ELL: variants seen among roughly 807,000 people sequenced by gnomAD.
ELL encodes RNA polymerase II elongation factor ELL.
Under a neutral mutation model 64.0 loss-of-function variants are expected in ELL, and 18 were observed. The ratio of observed to expected loss-of-function variants is 0.28; its 90% CI spans 0.19 to 0.42. The LOEUF (loss-of-function observed/expected upper bound fraction) is 0.42, where lower values mean the gene tolerates loss of function less well. Among genes scored for constraint, ELL ranks in the 10% least tolerant of loss-of-function variants. ELL has a pLI of 1.00. For missense variants in ELL, 797 were observed against 870.4 expected, an observed-to-expected ratio of 0.92 and a Z score of 1.06; for synonymous variants, 399 against 376.2, an observed-to-expected ratio of 1.06 and a Z score of -0.70.
At chr19:18,469,887 G>A (rs542363281) in intron 2 of ELL, among the ~76,000 whole-genome samples, 15 of 152,332 alleles carry the variant, frequency 9.8e-5, no homozygotes, top group Non-Finnish European at 1.5e-4. Flanking sequence ...GAGCTTGGGC[G>A]ATGCTGGCTG....
intron 1 of ELL, among the ~76,000 whole-genome samples, chr19:18,520,310 G>A (rs1156642004): frequency 6.6e-6 from 1 of 152,134 alleles, no homozygotes; most frequent in African/African-American, 2.4e-5. Flanking sequence ...TGCAGGACAA[G>A]TCAGAATCGC....
At chr19:18,488,034 C>T (rs531009751) in intron 1 of ELL, among the ~76,000 whole-genome samples, 2 of 152,298 alleles carry the variant, frequency 1.3e-5, no homozygotes, top group East Asian at 1.9e-4. Context: ...GTGGTCTCTG[C>T]CCAGTAATAA....
Position 18,505,796 on chromosome 19 carries a change from AAAGT to A in ELL, c.135+16121_135+16124del, listed in dbSNP as rs1203434975. Reference sequence around the variant, plus strand: ...CAAAACACCCCACGGACAGGAAAGCAAAGTAAGGAGAGGTGAATGTGAGTTGCAG... The same window carrying A: ...CAAAACACCCCACGGACAGGAAAGCAAAGGAGAGGTGAATGTGAGTTGCAG... On this transcript the variant is annotated intron_variant, in intron 1 of 11. Coordinates refer to ENST00000262809, the MANE Select transcript of ELL (RefSeq NM_006532.4). 5.3e-5 allele frequency among the ~76,000 whole-genome samples: 8 copies of A among 152,258 alleles called. No individual in the cohort carries two copies. In the East Asian group the frequency reaches 7.7e-4, roughly 15 times the overall value.
In ELL at chr19:18,443,507, T is replaced by C. The variant is rs923415469; in HGVS notation, c.*1245A>G. 15 of 233,452 alleles carry C rather than the reference T, an allele frequency of 6.4e-5. No individual in the cohort carries two copies. The highest frequency in any genetic ancestry group is 3.3e-4 in the African/African-American group (15 of 45,452). The allele number at this position is 233,452 out of a possible 1,614,324, so 14.5% of individuals were successfully genotyped here. A position where few individuals can be genotyped will look rare whatever the true frequency, so the allele number is the denominator to read the frequency against. On this transcript the variant is annotated 3_prime_UTR_variant, in exon 12 of 12. Transcript: ENST00000262809. ...GCCGCCATCCACCCCCCACCACCTT[T>C]CCAAGTCATGGCTTCATTCAGCCCT... is the stretch of plus-strand genomic sequence containing the variant.
At chr19:18,483,578 C>T (rs979484407) in intron 1 of ELL, among the ~76,000 whole-genome samples, 1 of 152,178 alleles carries the variant, frequency 6.6e-6, no homozygotes, top group Admixed American at 6.5e-5. Flanking sequence ...GTTGTTACAA[C>T]TGAGGAAAAT....
intron 6 of ELL, among the ~76,000 whole-genome samples, chr19:18,452,656 C>G (rs1259637717): frequency 6.6e-6 from 1 of 152,212 alleles, no homozygotes; most frequent in Non-Finnish European, 1.5e-5. Context: ...CAGCTCTACT[C>G]CAGATCCTCA....
chr19:18,490,426 T>C (rs1221007940), intron 1 of ELL, among the ~76,000 whole-genome samples: 2 of 152,226 alleles, frequency 1.3e-5, no homozygotes, highest in Non-Finnish European at 2.9e-5. Flanking sequence ...GGTCATTGCC[T>C]GACTTGGTGG....
intron 1 of ELL, among the ~76,000 whole-genome samples, chr19:18,488,297 C>T (rs529641264): frequency 3.3e-5 from 5 of 152,360 alleles, no homozygotes; most frequent in African/African-American, 1.2e-4. Context: ...CAAGAAATGT[C>T]ACCAAACTGG....
rs1568382721 is a variant in ELL, at chr19:18,465,584, C to T, written c.306-9G>A. ...GGTGAACTTCCCCATGACTGCAAGA[C>T]AAGGCCAGGAGCTGGGGTCAGCAGC... is the stretch of plus-strand genomic sequence containing the variant. On this transcript the variant is annotated splice_polypyrimidine_tract_variant and intron_variant, in intron 3 of 11. Coordinates refer to ENST00000262809, the MANE Select transcript of ELL (RefSeq NM_006532.4). 1.3e-6 allele frequency: 2 copies of T among 1,579,360 alleles called. No homozygotes were observed. Among genetic ancestry groups the T allele is most frequent in the Non-Finnish European group, 1.7e-6 (2 of 1,155,158 alleles).
chr19:18,444,879 GCA>G lies in ELL; in HGVS notation c.1750-13_1750-12del. On this transcript the variant is annotated splice_polypyrimidine_tract_variant and intron_variant, in intron 11 of 11. Coordinates refer to ENST00000262809, the MANE Select transcript of ELL (RefSeq NM_006532.4). ...GTAGTTGGTGTTGGTCTGTGGGACAGCACAGTCATGCTCAGGACAGAGCCGCC... is the reference window on the plus strand; with the variant it reads ...GTAGTTGGTGTTGGTCTGTGGGACAGCAGTCATGCTCAGGACAGAGCCGCC... The G allele has an allele frequency of 6.2e-7, 1 of 1,608,310 alleles. No homozygotes were observed. The highest frequency in any genetic ancestry group is 8.5e-7 in the Non-Finnish European group (1 of 1,178,362).
At chr19:18,482,704 T>A (rs1350305706) in intron 1 of ELL, among the ~76,000 whole-genome samples, 2 of 152,260 alleles carry the variant, frequency 1.3e-5, no homozygotes, top group South Asian at 4.1e-4. Context: ...ATTTTTCAAT[T>A]TTTTTCTTTT....
At chr19:18,513,429 G>T (rs1319794152) in intron 1 of ELL, among the ~76,000 whole-genome samples, 1 of 152,218 alleles carries the variant, frequency 6.6e-6, no homozygotes, top group Admixed American at 6.5e-5. Context: ...AGTGTTCAGG[G>T]AAGAAGAGAC....
chr19:18,513,155 C>T (rs1364832197), intron 1 of ELL, among the ~76,000 whole-genome samples: 1 of 152,136 alleles, frequency 6.6e-6, no homozygotes, highest in Admixed American at 6.5e-5. Flanking sequence ...TCCCTGGCCT[C>T]AAAATCGCAG....
rs71336679 is a variant in ELL, at chr19:18,482,763, T to TTTGTTG, written c.136-9887_136-9882dup. 6.8e-3 allele frequency among the ~76,000 whole-genome samples: 1,022 copies of TTTGTTG among 149,684 alleles called. 9 individuals are homozygous for TTTGTTG. The highest frequency in any genetic ancestry group is 0.021 in the Middle Eastern group (6 of 288). On this transcript the variant is annotated intron_variant, in intron 1 of 11. Coordinates refer to ENST00000262809, the MANE Select transcript of ELL (RefSeq NM_006532.4). ...CTTAGTTCCTCCCATCTTTTTGGTT[T>TTTGTTG]TTGTTGTTGTTGTTGTTGTTGTTGT...
chr19:18,498,000 T>C (rs1975696168), intron 1 of ELL, among the ~76,000 whole-genome samples: 1 of 151,774 alleles, frequency 6.6e-6, no homozygotes, highest in Admixed American at 6.6e-5. Context: ...TGGTGGCTCA[T>C]GCCTGTAATC....
intron 2 of ELL, among the ~76,000 whole-genome samples, chr19:18,469,451 G>A (rs1161718002): frequency 6.6e-6 from 1 of 152,240 alleles, no homozygotes; most frequent in Non-Finnish European, 1.5e-5. Flanking sequence ...TCTGGGACAA[G>A]GTTTGAAACG....
chr19:18,509,174 G>A (rs1407717661), intron 1 of ELL, among the ~76,000 whole-genome samples: 1 of 152,040 alleles, frequency 6.6e-6, no homozygotes, highest in African/African-American at 2.4e-5. Flanking sequence ...CTTCCCCACA[G>A]CAGCCAGGTT....
chr19:18,510,782 C>T (rs765046692), intron 1 of ELL, among the ~76,000 whole-genome samples: 29 of 152,132 alleles, frequency 1.9e-4, no homozygotes, highest in Non-Finnish European at 5.9e-5. Flanking sequence ...ATGCTGCAGC[C>T]GCTGTGGAAA....
intron 1 of ELL, among the ~76,000 whole-genome samples, chr19:18,474,349 C>A (rs147630854): frequency 0.012 from 1,852 of 152,332 alleles, 42 homozygotes; most frequent in African/African-American, 0.042. Context: ...GCACCGAGTG[C>A]CTCACTTTGG....
Sources: allele counts gnomAD v4.1 joint callset (sites outside exome capture counted in the v4.1 genomes callset), GRCh38; gene constraint gnomAD v4.1.1; transcripts MANE v1.5; gene names NCBI Gene and HGNC (gene_info 2026-07-23, HGNC 2026-07-21).